The following CASTOR2 variants were observed in gnomAD, a reference collection of about 807,000 sequenced individuals.
The protein encoded by CASTOR2 is cytosolic arginine sensor for mTORC1 subunit 2.
Under a neutral mutation model 31.2 loss-of-function variants are expected in CASTOR2, and 8 were observed. That is an observed-to-expected ratio of 0.26 (90% CI 0.15 to 0.46). CASTOR2 has a LOEUF of 0.46. CASTOR2 is among the 20% of genes least tolerant of loss of function. The pLI is 0.99. For missense variants in CASTOR2, 216 were observed against 382.1 expected (o/e 0.57, Z 3.62); for synonymous variants, 162 against 158.7 (o/e 1.02, Z -0.16).
intron 5 of CASTOR2, 141 bp from the exon 6 acceptor site, chr7:75,019,898 A>G: frequency 1.4e-6 from 1 of 706,708 alleles, no homozygotes; most frequent in Non-Finnish European, 2.4e-6. Flanking sequence ...CCCGTGGCAT[A>G]GCGAGCAGGA....
rs1389571415 is a variant in CASTOR2 at position 75,018,512 on chromosome 7, C to T, written c.511+390C>T. ...CGAGATTGTGCCATTGCACTCCAGT[C>T]TGGGCAACAAGAACAAAACTCCATC... On this transcript the variant is annotated intron_variant, in intron 4 of 8. Coordinates refer to ENST00000616305, the MANE Select transcript of CASTOR2 (RefSeq NM_001145064.3). Among the ~76,000 whole-genome samples, 49 of 151,968 alleles carry T rather than the reference C, an allele frequency of 3.2e-4. No individual in the cohort carries two copies. The East Asian group carries it at 5.0e-3, about 16-fold the overall frequency.
intron 1 of CASTOR2, among the ~76,000 whole-genome samples, chr7:75,005,152 C>T (rs1175037599): frequency 6.6e-6 from 1 of 152,186 alleles, no homozygotes; most frequent in African/African-American, 2.4e-5. Context: ...CAGGCGTGAG[C>T]CACCGCACCC....
chr7:74,997,371 C>T (rs1804377309), intron 1 of CASTOR2, among the ~76,000 whole-genome samples: 2 of 151,924 alleles, frequency 1.3e-5, no homozygotes, highest in Admixed American at 6.6e-5. Context: ...GTTTGGGGAA[C>T]AGGCTCAGGA....
chr7:75,022,595 G>C (rs1410481542), intron 7 of CASTOR2, among the ~76,000 whole-genome samples: 1 of 151,860 alleles, frequency 6.6e-6, no homozygotes, highest in South Asian at 2.1e-4. Flanking sequence ...CTGAGGTCAG[G>C]AGTACCAGCC....
At position 75,004,406 on chromosome 7, in the gene CASTOR2, C is replaced by T. The variant is rs1297155339; in HGVS notation, c.114-3588C>T. Among the ~76,000 whole-genome samples the T allele has an allele frequency of 2.0e-5, 3 of 151,856 alleles. No individual in the cohort carries two copies. The East Asian group carries it at 5.8e-4, about 29-fold the overall frequency. On this transcript the variant is annotated intron_variant, in intron 1 of 8. Coordinates refer to ENST00000616305, the MANE Select transcript of CASTOR2 (RefSeq NM_001145064.3). ...TTGTTCCAGCAGAATGCCTTACGCCCCTCCCAGGGGGAGAGAGGCCACCTC... is the reference window on the plus strand; with the variant it reads ...TTGTTCCAGCAGAATGCCTTACGCCTCTCCCAGGGGGAGAGAGGCCACCTC...
intron 2 of CASTOR2, among the ~76,000 whole-genome samples, chr7:75,013,655 AAAG>A (rs1221029208): frequency 6.6e-6 from 1 of 152,014 alleles, no homozygotes; most frequent in Non-Finnish European, 1.5e-5. Flanking sequence ...AAAAAGAAAA[AAAG>A]AAGGTCTTGG....
At chr7:74,972,676 T>A (rs1177020346) in intron 1 of CASTOR2, among the ~76,000 whole-genome samples, 2 of 150,750 alleles carry the variant, frequency 1.3e-5, no homozygotes, top group Admixed American at 6.7e-5. Flanking sequence ...CTTTTGTTTT[T>A]TTTGTTTGTT....
At chr7:75,017,448 A>C (rs1440799380) in intron 2 of CASTOR2, 150 bp from the exon 3 acceptor site, 6 of 324,046 alleles carry the variant, frequency 1.9e-5, no homozygotes, top group Non-Finnish European at 3.1e-5. Context: ...AGACTGTCTC[A>C]AAAAAAAAAA....
intron 1 of CASTOR2, among the ~76,000 whole-genome samples, chr7:74,967,439 A>G (rs1803590017): frequency 1.3e-5 from 2 of 148,152 alleles, no homozygotes; most frequent in African/African-American, 2.5e-5. Context: ...CCCTGCCCCC[A>G]GGTGGTGACC....
intron 7 of CASTOR2, 58 bp from the exon 8 acceptor site, chr7:75,024,382 C>T: frequency 6.5e-7 from 1 of 1,528,770 alleles, no homozygotes; most frequent in Admixed American, 2.0e-5. Context: ...GCTGAAGAGC[C>T]ACACAGGCAA....
Position 75,025,236 on chromosome 7 carries a change from C to T in CASTOR2, c.*537C>T, listed in dbSNP as rs1402844401. On this transcript the variant is annotated 3_prime_UTR_variant, in exon 9 of 9. Coordinates refer to ENST00000616305, the MANE Select transcript of CASTOR2 (RefSeq NM_001145064.3). ...GGCCAGCGTGGCCCCCTCAGGTCAT[C>T]GGGGCTGGTGAGGCTCAGACAGGAA... Among the ~76,000 whole-genome samples the T allele has an allele frequency of 2.6e-5, 4 of 152,188 alleles. No individual in the cohort carries two copies. The highest frequency in any genetic ancestry group is 2.6e-4 in the Admixed American group (4 of 15,278).
chr7:75,014,972 C>G (rs1804834662), intron 2 of CASTOR2, among the ~76,000 whole-genome samples: 1 of 152,274 alleles, frequency 6.6e-6, no homozygotes, highest in Admixed American at 6.5e-5. Flanking sequence ...TGATAAGAGA[C>G]AGGCCTCCCA....
intron 1 of CASTOR2, among the ~76,000 whole-genome samples, chr7:75,002,892 C>T (rs1364071613): frequency 2.7e-5 from 4 of 150,650 alleles, no homozygotes; most frequent in African/African-American, 9.8e-5. Flanking sequence ...GTTCAAGACC[C>T]GCCTGGGCAA....
chr7:75,008,676 A>G (rs1804657928), intron 2 of CASTOR2, among the ~76,000 whole-genome samples: 1 of 152,142 alleles, frequency 6.6e-6, no homozygotes, highest in Non-Finnish European at 1.5e-5. Context: ...AGGCTGGAAG[A>G]CAGAGCGAAA....
intron 1 of CASTOR2, among the ~76,000 whole-genome samples, chr7:74,987,245 A>C (rs1441124956): frequency 1.2e-4 from 18 of 151,972 alleles, no homozygotes; most frequent in Non-Finnish European, 2.5e-4. Flanking sequence ...TCTCTACTAA[A>C]AATACAAAAA....
At chr7:75,003,167 C>T (rs2131941141) in intron 1 of CASTOR2, among the ~76,000 whole-genome samples, 1 of 152,182 alleles carries the variant, frequency 6.6e-6, no homozygotes, top group South Asian at 2.1e-4. Context: ...GTGGTGTGGG[C>T]TGGGCGCAGT....
intron 1 of CASTOR2, among the ~76,000 whole-genome samples, chr7:74,975,353 C>G (rs1336917950): frequency 8.0e-5 from 12 of 149,532 alleles, no homozygotes; most frequent in Non-Finnish European, 1.5e-4. Flanking sequence ...TTAAGTGATC[C>G]TCCCGTCTTG....
intron 1 of CASTOR2, among the ~76,000 whole-genome samples, chr7:74,987,543 C>CAG (rs2131927098): frequency 1.3e-5 from 2 of 152,236 alleles, no homozygotes; most frequent in African/African-American, 4.8e-5. Flanking sequence ...AGGGCAGGGA[C>CAG]AGGTGGCCCA....
At position 74,975,100 on chromosome 7, in the gene CASTOR2, C is replaced by T. The variant is rs1355970630; in HGVS notation, c.113+10002C>T. 1.5e-3 allele frequency among the ~76,000 whole-genome samples: 226 copies of T among 151,284 alleles called. 5 individuals are homozygous for T. Among genetic ancestry groups the T allele is most frequent in the African/African-American group, 3.7e-3 (154 of 41,224 alleles). On this transcript the variant is annotated intron_variant, in intron 1 of 8. Coordinates refer to ENST00000616305, the MANE Select transcript of CASTOR2 (RefSeq NM_001145064.3). ...GCTCCTGCCTCAGCCTCCTGAGTAG[C>T]TGGGGTTACAAGTACCACCACCATG... is the stretch of plus-strand genomic sequence containing the variant.
Sources: allele counts gnomAD v4.1 joint callset (sites outside exome capture counted in the v4.1 genomes callset), GRCh38; gene constraint gnomAD v4.1.1; transcripts MANE v1.5; gene names NCBI Gene and HGNC (gene_info 2026-07-23, HGNC 2026-07-21).